Variants in NDRG2 observed in about 807,000 individuals in gnomAD.
NDRG2 encodes the protein protein NDRG2.
NDRG2 carries 34 observed loss-of-function variants against 58.2 expected under a neutral mutation model. The ratio of observed to expected loss-of-function variants is 0.58; its 90% CI spans 0.44 to 0.78. NDRG2 has a LOEUF of 0.78. Ranked by LOEUF, NDRG2 falls within the 30% of genes least tolerant of loss-of-function variation. The pLI, the probability that NDRG2 is intolerant of heterozygous loss-of-function variation, is 0.00. For synonymous variants in NDRG2, 187 were observed against 175.9 expected (o/e 1.06, Z -0.50); for missense variants, 434 against 471.2 (o/e 0.92, Z 0.73).
At chr14:21,051,913 C>T (rs1245192179) in intron 1 of NDRG2, among the ~76,000 whole-genome samples, 1 of 152,210 alleles carries the variant, frequency 6.6e-6, no homozygotes, top group Non-Finnish European at 1.5e-5. Context: ...GGCACCCTCG[C>T]TCAGCCCTCC....
At chr14:21,061,682 C>T (rs1340329830) in intron 1 of NDRG2, among the ~76,000 whole-genome samples, 1 of 152,064 alleles carries the variant, frequency 6.6e-6, no homozygotes, top group Non-Finnish European at 1.5e-5. Flanking sequence ...GTTCTAACAT[C>T]CAGAAAATTT....
At position 21,018,514 on chromosome 14, in the gene NDRG2, G is replaced by C; in HGVS notation, c.814-10C>G. 1 of 1,613,766 alleles carries C rather than the reference G, an allele frequency of 6.2e-7. No individual in the cohort carries two copies. Among genetic ancestry groups the C allele is most frequent in the Non-Finnish European group, 8.5e-7 (1 of 1,179,836 alleles). ...TTGAGTTACATTCCACCTGGAGTAA[G>C]CAGGAGGCTGAATGAATGAGGTCAC... On this transcript the variant is annotated splice_polypyrimidine_tract_variant and intron_variant, in intron 12 of 15. Transcript: ENST00000556147.
chr14:21,028,459 C>T (rs1883846150), upstream of NDRG2: 1 of 152,060 alleles, frequency 6.6e-6, no homozygotes, highest in Admixed American at 6.6e-5. Context: ...CAAGGTCTCA[C>T]TTTGTTGGCC....
chr14:21,061,231 C>T (rs144524118), intron 1 of NDRG2, among the ~76,000 whole-genome samples: 4 of 152,260 alleles, frequency 2.6e-5, no homozygotes, highest in African/African-American at 7.2e-5. Flanking sequence ...AGGTCTGTAG[C>T]CAGGGTTAGG....
upstream of NDRG2, among the ~76,000 whole-genome samples, chr14:21,029,948 C>T (rs535246094): frequency 1.2e-4 from 19 of 152,322 alleles, no homozygotes; most frequent in African/African-American, 4.3e-4. Flanking sequence ...ACTACAACAC[C>T]TTCCCTGGGC....
At chr14:21,057,115 A>G (rs546687987) in intron 1 of NDRG2, among the ~76,000 whole-genome samples, 5 of 152,154 alleles carry the variant, frequency 3.3e-5, no homozygotes, top group African/African-American at 1.2e-4. Flanking sequence ...TGGGGTATTG[A>G]CCTTTCACAT....
chr14:21,068,251 G>T (rs1886389975), intron 1 of NDRG2, among the ~76,000 whole-genome samples: 1 of 123,902 alleles, frequency 8.1e-6, no homozygotes, highest in Non-Finnish European at 1.8e-5. Context: ...CGCCCGCCTC[G>T]GCCTCCCAAA....
intron 6 of NDRG2, chr14:21,021,451 G>A: frequency 3.1e-6 from 1 of 318,252 alleles, no homozygotes; most frequent in South Asian, 3.2e-5. Context: ...CATCCACCAG[G>A]TGTGGGCATG....
At chr14:21,025,614 G>C, upstream of NDRG2, 1 of 985,510 alleles carries the variant, frequency 1.0e-6, no homozygotes, top group Non-Finnish European at 1.2e-6. This position sits in a 1 kb window ranked among gnomAD's most constrained non-coding sequence, Gnocchi z 5.1. Flanking sequence ...GCGCCGAAAG[G>C]GGGCACGGGG....
At chr14:21,058,064 A>G (rs1398313486) in intron 1 of NDRG2, 2 of 1,613,998 alleles carry the variant, frequency 1.2e-6, no homozygotes, top group African/African-American at 2.7e-5. Flanking sequence ...GAGCATCATC[A>G]ATAAGTACAC....
At chr14:21,037,422 G>T (rs969315664) in intron 1 of NDRG2, among the ~76,000 whole-genome samples, 1 of 152,250 alleles carries the variant, frequency 6.6e-6, no homozygotes, top group African/African-American at 2.4e-5. Flanking sequence ...GAAAAACTAA[G>T]TTCTAGAGTG....
chr14:21,022,522 G>T (rs772115780), intron 3 of NDRG2, 25 bp from the exon 4 acceptor site: 1 of 1,569,260 alleles, frequency 6.4e-7, no homozygotes, highest in Non-Finnish European at 8.8e-7. Context: ...GGCACCAAGA[G>T]CTAGGCTCAG....
Position 21,024,970 on chromosome 14 carries a change from C to A in NDRG2, c.-947G>T. The A allele has an allele frequency of 1.0e-6, 1 of 985,660 alleles. No individual in the cohort carries two copies. The highest frequency in any genetic ancestry group is 1.2e-6 in the Non-Finnish European group (1 of 830,112). The allele number at this position is 985,660 out of a possible 1,614,324, so 61.1% of individuals were successfully genotyped here. On this transcript the variant is annotated 5_prime_UTR_variant, in exon 1 of 16. Transcript: ENST00000556147. ...AGGGGACGCGGATCAATCACACCGC[C>A]CGCCGGCCCGGCTGGCGCCTTCCAG... is the stretch of plus-strand genomic sequence containing the variant.
intron 1 of NDRG2, among the ~76,000 whole-genome samples, chr14:21,051,540 G>A (rs577180796): frequency 1.3e-5 from 2 of 152,258 alleles, no homozygotes; most frequent in East Asian, 3.9e-4. Flanking sequence ...TCATGAAGAT[G>A]AATCCAGGAG....
At chr14:21,021,932 A>G in intron 5 of NDRG2, 53 bp from the exon 6 acceptor site, 2 of 1,610,696 alleles carry the variant, frequency 1.2e-6, no homozygotes, top group Non-Finnish European at 1.7e-6. Flanking sequence ...CACACCCCCC[A>G]CCTCAGGATG....
upstream of NDRG2, chr14:21,025,758 C>T: frequency 2.1e-5 from 2 of 96,980 alleles, no homozygotes; most frequent in South Asian, 4.2e-4. The surrounding 1 kb of genome is among the most constrained non-coding windows in gnomAD (Gnocchi z 5.1). Context: ...GAGGTGGGGG[C>T]GGGGAATGCG....
At chr14:21,060,062 C>A (rs1056854161) in intron 1 of NDRG2, among the ~76,000 whole-genome samples, 2 of 152,166 alleles carry the variant, frequency 1.3e-5, no homozygotes, top group African/African-American at 4.8e-5. Context: ...ACAAGACACC[C>A]CCTCTTCTTC....
At chr14:21,049,471 C>T (rs1371862132) in intron 1 of NDRG2, among the ~76,000 whole-genome samples, 1 of 152,140 alleles carries the variant, frequency 6.6e-6, no homozygotes, top group South Asian at 2.1e-4. Flanking sequence ...AGTACAAATT[C>T]CTGCTTGGGT....
At chr14:21,057,157 G>A (rs1044334859) in intron 1 of NDRG2, among the ~76,000 whole-genome samples, 2 of 152,118 alleles carry the variant, frequency 1.3e-5, no homozygotes, top group Admixed American at 6.6e-5. Flanking sequence ...TCTCTTAACC[G>A]GGCGCGGTGG....
Sources: gnomAD v4.1 joint callset for allele counts (sites outside exome capture counted in the v4.1 genomes callset) on GRCh38, gnomAD v4.1.1 for gene constraint, Gnocchi (gnomAD v3.1) non-coding constraint, MANE v1.5 for transcripts, NCBI Gene and HGNC (gene_info 2026-07-23, HGNC 2026-07-21) for gene names.